NRDC: variants seen among roughly 807,000 people sequenced by gnomAD.
The protein encoded by NRDC is nardilysin convertase.
In NRDC, 54 loss-of-function variants were observed where a neutral mutation model predicts 147.1. That is an observed-to-expected ratio of 0.37 (90% CI 0.29 to 0.46). The LOEUF (loss-of-function observed/expected upper bound fraction) is 0.46. Among genes scored for constraint, NRDC ranks in the 20% least tolerant of loss-of-function variants. NRDC has a pLI of 1.00. For missense variants in NRDC, 1,082 were observed against 1,370.6 expected (o/e 0.79, Z 3.33); for synonymous variants, 440 against 482.1 (o/e 0.91, Z 1.14).
chr1:51,800,359 A>G (rs1039450143), intron 21 of NRDC, among the ~76,000 whole-genome samples, 197 bp downstream of exon 21: 1 of 152,186 alleles, frequency 6.6e-6, no homozygotes, highest in Non-Finnish European at 1.5e-5. Context: ...AGCTGCTTTC[A>G]GTCCCATTCA....
intron 13 of NRDC, 44 bp downstream of exon 13, chr1:51,814,507 T>C (rs755969028): frequency 2.5e-6 from 4 of 1,582,184 alleles, no homozygotes; most frequent in Non-Finnish European, 1.7e-6. Flanking sequence ...GCCTCAAATA[T>C]ACCAGGACTG....
chr1:51,814,222 A>G (rs1679854519), intron 13 of NRDC, 133 bp from the exon 14 acceptor site: 1 of 626,660 alleles, frequency 1.6e-6, no homozygotes, highest in Non-Finnish European at 2.9e-6. Flanking sequence ...TGACAAAATA[A>G]TCTGTACAAC....
chr1:51,794,436 T>C (rs1247089170), intron 24 of NRDC, 36 bp downstream of exon 24: 1 of 1,606,930 alleles, frequency 6.2e-7, no homozygotes, highest in African/African-American at 1.3e-5. Context: ...CCCCAGGCAC[T>C]GGGCCTTCCG....
At position 51,878,336 on chromosome 1, in the gene NRDC, A is replaced by C; in HGVS notation, c.280T>G (p.Ser94Ala). 6.2e-7 allele frequency: 1 copy of C among 1,613,626 alleles called. No individual in the cohort carries two copies. Among genetic ancestry groups the C allele is most frequent in the Non-Finnish European group, 8.5e-7 (1 of 1,179,910 alleles). Reference sequence around the variant, plus strand: ...TCAGGGTCCCCAGCATTACTGAGAGACCCCCTCCGTCCCTCTTCCTCAGAT... The same window carrying C: ...TCAGGGTCCCCAGCATTACTGAGAGCCCCCCTCCGTCCCTCTTCCTCAGAT... ...DESEEEGRRG[S>A]LSNAGDPEIV... The change falls in exon 1 of 31, where the codon TCT becomes GCT. Residue 94 changes from serine (S) to alanine (A), a missense_variant. Physicochemically the swap from Ser to Ala is moderately conservative, Grantham distance 99. This residue lies in a region of NRDC where 260 missense variants were observed against 253.2 expected (regional missense o/e 1.03). Coordinates refer to ENST00000352171, the MANE Select transcript of NRDC (RefSeq NM_001101662.2).
chr1:51,820,583 A>C (rs1680168687), intron 8 of NRDC, among the ~76,000 whole-genome samples: 1 of 152,108 alleles, frequency 6.6e-6, no homozygotes, highest in Non-Finnish European at 1.5e-5. Context: ...AATCAGAAAA[A>C]ACAGCCCCAC....
At chr1:51,830,732 T>C (rs984653999) in intron 4 of NRDC, among the ~76,000 whole-genome samples, 1 of 152,230 alleles carries the variant, frequency 6.6e-6, no homozygotes, top group Non-Finnish European at 1.5e-5. Flanking sequence ...GAAATACTGA[T>C]AAAATAAAGT....
intron 4 of NRDC, among the ~76,000 whole-genome samples, chr1:51,829,352 C>T (rs1434785274): frequency 1.3e-5 from 2 of 152,198 alleles, no homozygotes; most frequent in Non-Finnish European, 2.9e-5. Context: ...AGCCTACTAA[C>T]ATTCTTAAAA....
Position 51,814,038 on chromosome 1 carries a change from T to C in NRDC, c.1671A>G (p.Glu557=). Residue 557 remains glutamate (E), a synonymous_variant, in exon 14 of 31, where the codon GAA becomes GAG. Coordinates refer to ENST00000352171, the MANE Select transcript of NRDC (RefSeq NM_001101662.2). ...KIEDNEFHYQ[E]QTDPVEYVEN... Reference sequence around the variant, plus strand: ...AAAAGAATTTGACTTCCAGTACCTGTTCTTGGTAATGAAATTCATTATCCT... The same window carrying C: ...AAAAGAATTTGACTTCCAGTACCTGCTCTTGGTAATGAAATTCATTATCCT... The C allele has an allele frequency of 2.5e-6, 4 of 1,597,800 alleles. No individual in the cohort carries two copies. Among genetic ancestry groups the C allele is most frequent in the Non-Finnish European group, 3.4e-6 (4 of 1,166,126 alleles).
intron 21 of NRDC, chr1:51,798,969 C>T (rs372429498): frequency 1.5e-3 from 231 of 152,206 alleles, no homozygotes; most frequent in Non-Finnish European, 2.0e-3. Context: ...GAGAGGTAAC[C>T]GTTTTGGATA....
intron 14 of NRDC, among the ~76,000 whole-genome samples, chr1:51,812,921 C>T (rs994727924): frequency 1.4e-5 from 2 of 144,302 alleles, no homozygotes; most frequent in African/African-American, 2.6e-5. Flanking sequence ...AAGATCATGC[C>T]ACCGCACTCC....
chr1:51,795,276 T>C (rs1464831067), intron 22 of NRDC: 14 of 1,139,196 alleles, frequency 1.2e-5, no homozygotes, highest in Non-Finnish European at 1.4e-5. Context: ...TTAAGAATTC[T>C]GTTTTCTTAT....
In NRDC at chr1:51,803,894, C is replaced by A; in HGVS notation, c.2233G>T (p.Val745Leu). The A allele has an allele frequency of 6.2e-7, 1 of 1,613,740 alleles. No individual in the cohort carries two copies. The highest frequency in any genetic ancestry group is 8.5e-7 in the Non-Finnish European group (1 of 1,179,780). ...ACCAGTTTATACTCCAGCTGTGCCA[C>A]ATCTGCTTCATAAGCTGGTTCCGCA... ...NLAEPAYEAD[V>L]AQLEYKLVAG... The change falls in exon 20 of 31, where the codon GTG (valine) becomes TTG (leucine). Residue 745 changes from valine (V) to leucine (L), a missense_variant. Physicochemically the swap from Val to Leu is conservative, Grantham distance 32 (BLOSUM62 1). Coordinates refer to ENST00000352171, the MANE Select transcript of NRDC (RefSeq NM_001101662.2).
rs756037059 is a variant in NRDC, at chr1:51,790,893, C to T, written c.3051+7G>A. ...CAAAGGCCAAAAGACCAGGCTGGCA[C>T]AGTCACCTGGGTGTTGAATGCCTCT... On this transcript the variant is annotated splice_region_variant and intron_variant, in intron 28 of 30. Transcript: ENST00000352171. 1 of 1,609,900 alleles carries T rather than the reference C, an allele frequency of 6.2e-7. No individual in the cohort carries two copies. The highest frequency in any genetic ancestry group is 2.2e-5 in the East Asian group (1 of 44,824).
At chr1:51,864,299 A>G (rs1557938851) in intron 1 of NRDC, among the ~76,000 whole-genome samples, 3 of 152,226 alleles carry the variant, frequency 2.0e-5, no homozygotes, top group African/African-American at 7.2e-5. Flanking sequence ...AAATCTCATT[A>G]CAAATCAGAT....
chr1:51,878,652 C>A lies in NRDC; in HGVS notation c.-37G>T. ...CTGGAGCGATGGACATCCCGCTTCC[C>A]AGGACCCACCTCCTCCGCGTTCTAG... On this transcript the variant is annotated 5_prime_UTR_variant, in exon 1 of 31. Transcript: ENST00000352171. The A allele has an allele frequency of 6.4e-7, 1 of 1,551,022 alleles. No individual in the cohort carries two copies. Among genetic ancestry groups the A allele is most frequent in the African/African-American group, 1.4e-5 (1 of 73,920 alleles).
In NRDC at chr1:51,836,171, A is replaced by G. The variant is rs778449248; in HGVS notation, c.672T>C (p.Asp224=). 2 of 1,614,212 alleles carry G rather than the reference A, an allele frequency of 1.2e-6. No homozygotes were observed. Among genetic ancestry groups the G allele is most frequent in the Non-Finnish European group, 1.7e-6 (2 of 1,180,038 alleles). ...ALCVGVGSFA[D]PDDLPGLAHF... The stretch of plus-strand genomic sequence containing the variant: ...GTGCCAGCCCCGGCAGGTCATCTGG[A>G]TCAGCGAAACTCCCAACTCCAACAC... Residue 224 remains aspartate, a synonymous_variant, in exon 3 of 31, where the codon GAT becomes GAC. Transcript: ENST00000352171.
At chr1:51,795,499 G>T (rs1032365889) in intron 22 of NRDC, 1 of 200,602 alleles carries the variant, frequency 5.0e-6, no homozygotes, top group Non-Finnish European at 1.0e-5. Flanking sequence ...GCTGGTTCTG[G>T]GGTTGCAGAA....
intron 3 of NRDC, among the ~76,000 whole-genome samples, 155 bp from the exon 4 acceptor site, chr1:51,834,325 G>A (rs544610315): frequency 2.6e-5 from 4 of 151,716 alleles, no homozygotes; most frequent in African/African-American, 7.3e-5. Flanking sequence ...TTGAGACAGA[G>A]TCTCACTCTG....
intron 30 of NRDC, 26 bp from the exon 31 acceptor site, chr1:51,789,459 A>G (rs1461450315): frequency 6.2e-7 from 1 of 1,611,714 alleles, no homozygotes; most frequent in East Asian, 2.2e-5. Context: ...GACAAAAGTG[A>G]AAAATATGCT....
Sources: allele counts gnomAD v4.1 joint callset (sites outside exome capture counted in the v4.1 genomes callset), GRCh38; gene constraint gnomAD v4.1.1; regional missense constraint gnomAD v4.1.1; transcripts MANE v1.5; gene names NCBI Gene and HGNC (gene_info 2026-07-23, HGNC 2026-07-21).